EPHA6: variants seen among roughly 807,000 people sequenced by gnomAD.
The protein encoded by EPHA6 is ephrin type-A receptor 6.
Under a neutral mutation model 112.0 loss-of-function variants are expected in EPHA6, and 50 were observed. The observed-to-expected ratio is 0.45, with a 90% CI of 0.36 to 0.56. The LOEUF (loss-of-function observed/expected upper bound fraction) is 0.56, where lower values mean the gene tolerates loss of function less well. Ranked by LOEUF, EPHA6 falls within the 20% of genes least tolerant of loss-of-function variation. The pLI is 0.00. For synonymous variants in EPHA6, 529 were observed against 490.7 expected, an observed-to-expected ratio of 1.08 and a Z score of -1.03; for missense variants, 1,280 against 1,417.4, an observed-to-expected ratio of 0.90 and a Z score of 1.56.
chr3:97,061,714 C>T (rs1252975827), intron 3 of EPHA6, among the ~76,000 whole-genome samples: 1 of 151,920 alleles, frequency 6.6e-6, no homozygotes, highest in Non-Finnish European at 1.5e-5. Context: ...ACAATGATGC[C>T]CTGTAAGAAG....
intron 11 of EPHA6, among the ~76,000 whole-genome samples, chr3:97,535,839 T>C (rs1414776526): frequency 6.6e-6 from 1 of 152,082 alleles, no homozygotes; most frequent in African/African-American, 2.4e-5. Context: ...AAATTCTTAA[T>C]ATGCATTTTT....
At chr3:97,746,526 A>C (rs1010116407) in intron 16 of EPHA6, among the ~76,000 whole-genome samples, 1 of 151,812 alleles carries the variant, frequency 6.6e-6, no homozygotes, top group Non-Finnish European at 1.5e-5. Context: ...AATTTATAAG[A>C]TTAATTCTGT....
At chr3:97,408,288 T>A (rs2087491994) in intron 6 of EPHA6, among the ~76,000 whole-genome samples, 1 of 152,058 alleles carries the variant, frequency 6.6e-6, no homozygotes, top group Non-Finnish European at 1.5e-5. Context: ...GGCTCATGCC[T>A]GTAATCCTAG....
chr3:96,953,628 C>G (rs1164582415), intron 2 of EPHA6, among the ~76,000 whole-genome samples: 1 of 151,876 alleles, frequency 6.6e-6, no homozygotes, highest in African/African-American at 2.4e-5. Context: ...TCTTTCAGAC[C>G]CTTTTTAAAA....
At chr3:97,717,501 T>A (rs1047677344) in intron 14 of EPHA6, among the ~76,000 whole-genome samples, 2 of 152,178 alleles carry the variant, frequency 1.3e-5, no homozygotes, top group Non-Finnish European at 2.9e-5. Flanking sequence ...CTCTGTGGCT[T>A]ACAGATGGCT....
intron 3 of EPHA6, among the ~76,000 whole-genome samples, chr3:97,117,168 G>A (rs959746372): frequency 6.6e-6 from 1 of 151,494 alleles, no homozygotes; most frequent in African/African-American, 2.4e-5. Context: ...ATTTTTAATT[G>A]AGTCATTTGT....
At chr3:97,244,517 T>C (rs2078932676) in intron 5 of EPHA6, 3 of 528,920 alleles carry the variant, frequency 5.7e-6, no homozygotes, top group Admixed American at 3.4e-5. Context: ...CCACTGTTTA[T>C]GTACTCATGT....
chr3:97,536,871 G>A (rs79393721), intron 11 of EPHA6, among the ~76,000 whole-genome samples: 11 of 152,032 alleles, frequency 7.2e-5, no homozygotes, highest in African/African-American at 1.4e-4. Context: ...ACAAAAAAAC[G>A]AAAAGTGTAA....
intron 5 of EPHA6, among the ~76,000 whole-genome samples, chr3:97,324,558 G>T (rs373358291): frequency 9.0e-5 from 3 of 33,352 alleles, no homozygotes; most frequent in South Asian, 9.8e-4. Flanking sequence ...TCTTTCTTTC[G>T]ATGGAGCTTC....
chr3:97,160,182 T>C (rs1398964481), intron 3 of EPHA6, among the ~76,000 whole-genome samples: 2 of 152,130 alleles, frequency 1.3e-5, no homozygotes, highest in Non-Finnish European at 2.9e-5. Context: ...GTCTGACTGG[T>C]ATCTACAGAA....
intron 11 of EPHA6, among the ~76,000 whole-genome samples, chr3:97,585,126 A>G (rs1322015764): frequency 6.6e-6 from 1 of 152,210 alleles, no homozygotes; most frequent in Admixed American, 6.5e-5. Context: ...ACTTAGGGAA[A>G]ATACATGCTT....
intron 14 of EPHA6, among the ~76,000 whole-genome samples, chr3:97,643,805 G>A (rs1241889294): frequency 5.3e-5 from 8 of 150,968 alleles, no homozygotes; most frequent in African/African-American, 4.9e-5. Flanking sequence ...TGAGTGACCT[G>A]CAAAGAGACT....
chr3:96,879,656 C>T (rs1333102803), intron 2 of EPHA6, among the ~76,000 whole-genome samples: 1 of 152,116 alleles, frequency 6.6e-6, no homozygotes, highest in African/African-American at 2.4e-5. Flanking sequence ...GAATGATTTC[C>T]GTTTGTGTCA....
At chr3:96,867,218 C>T (rs147397542) in intron 2 of EPHA6, among the ~76,000 whole-genome samples, 149 of 151,618 alleles carry the variant, frequency 9.8e-4, no homozygotes, top group Non-Finnish European at 1.8e-3. Flanking sequence ...TTGATAACCT[C>T]GATGAGTATT....
intron 5 of EPHA6, among the ~76,000 whole-genome samples, chr3:97,384,409 G>A (rs1270608317): frequency 6.6e-6 from 1 of 152,186 alleles, no homozygotes; most frequent in Non-Finnish European, 1.5e-5. Flanking sequence ...ACAGCACTGT[G>A]CTGCCATATG....
At chr3:97,033,611 A>G (rs769788256) in intron 3 of EPHA6, among the ~76,000 whole-genome samples, 3 of 151,988 alleles carry the variant, frequency 2.0e-5, no homozygotes, top group Non-Finnish European at 4.4e-5. Context: ...AACATCCTCT[A>G]TAGAAAATTG....
chr3:97,081,312 G>A (rs1447369844), intron 3 of EPHA6, among the ~76,000 whole-genome samples: 1 of 151,808 alleles, frequency 6.6e-6, no homozygotes, highest in Non-Finnish European at 1.5e-5. Flanking sequence ...ATTTTAACAT[G>A]TAAAAGGATT....
At chr3:97,361,741 TAATCCCTTCATG>T (rs1472108030) in intron 5 of EPHA6, among the ~76,000 whole-genome samples, 1 of 152,186 alleles carries the variant, frequency 6.6e-6, no homozygotes, top group Non-Finnish European at 1.5e-5. Flanking sequence ...GTGAATGGAT[TAATCCCTTCATG>T]AGGAAAGAGC....
chr3:97,457,071 T>C (rs2090715052), intron 7 of EPHA6, among the ~76,000 whole-genome samples: 1 of 152,188 alleles, frequency 6.6e-6, no homozygotes, highest in Admixed American at 6.5e-5. Context: ...AATTTCTCAT[T>C]ATATTAATAA....
Sources: allele counts gnomAD v4.1 joint callset (sites outside exome capture counted in the v4.1 genomes callset), GRCh38; gene constraint gnomAD v4.1.1; transcripts MANE v1.5; gene names NCBI Gene and HGNC (gene_info 2026-07-23, HGNC 2026-07-21).